Variants in UBR3 observed in about 807,000 individuals in gnomAD.
The protein encoded by UBR3 is E3 ubiquitin-protein ligase UBR3.
Under a neutral mutation model 243.2 loss-of-function variants are expected in UBR3, and 85 were observed. That is an observed-to-expected ratio of 0.35 (90% confidence interval 0.29 to 0.42). The LOEUF is 0.42. UBR3 is among the 10% of genes least tolerant of loss of function. The probability of loss-of-function intolerance (pLI) is 1.00; values close to 1 mark genes in which losing one functional copy is unlikely to be tolerated. For missense variants in UBR3, 1,686 were observed against 2,300.8 expected (o/e 0.73, Z 5.47); for synonymous variants, 748 against 799.8 (o/e 0.94, Z 1.09).
chr2:169,940,014 G>C (rs1464070375), intron 19 of UBR3, among the ~76,000 whole-genome samples: 1 of 151,586 alleles, frequency 6.6e-6, no homozygotes, highest in African/African-American at 2.4e-5. Flanking sequence ...ATTTTTAATT[G>C]ATATATCTTA....
In UBR3 at chr2:169,878,511, C is replaced by A. The variant is rs1179031874; in HGVS notation, c.989-14C>A. ...GCAACTATGAAGGACAACTATTTTTCTTCTCCTCCAAAGGTTTCATAGGCG... is the reference window on the plus strand; with the variant it reads ...GCAACTATGAAGGACAACTATTTTTATTCTCCTCCAAAGGTTTCATAGGCG... On this transcript the variant is annotated splice_polypyrimidine_tract_variant and intron_variant, in intron 4 of 38. Transcript: ENST00000272793. The A allele has an allele frequency of 1.3e-6, 2 of 1,548,906 alleles. No individual in the cohort carries two copies. The highest frequency in any genetic ancestry group is 1.7e-4 in the Middle Eastern group (1 of 5,984).
intron 26 of UBR3, among the ~76,000 whole-genome samples, chr2:170,000,825 A>G (rs6718846): frequency 0.98 from 149,224 of 152,190 alleles, 73,208 homozygotes; most frequent in East Asian, 1. Context: ...AGGGGTAAGC[A>G]AAGAAAAAAA....
rs1558998179 is a variant in UBR3, at chr2:169,835,997, CTCTCTCTCTCT to C, written c.545+7946_545+7956del. The stretch of plus-strand genomic sequence containing the variant: ...CCTGAAATTCCTGTGTGCACTGTCT[CTCTCTCTCTCT>C]CTCTCTCTCTCTCTCTCTCTCTCTC... On this transcript the variant is annotated intron_variant, in intron 1 of 38. Coordinates refer to ENST00000272793, the MANE Select transcript of UBR3 (RefSeq NM_172070.4). 7.0e-3 allele frequency among the ~76,000 whole-genome samples: 282 copies of C among 40,444 alleles called. 14 individuals are homozygous for C. Among genetic ancestry groups the C allele is most frequent in the East Asian group, 0.016 (27 of 1,674 alleles). The allele number at this position is 40,444 out of a possible 152,430, so 26.5% of individuals were successfully genotyped here.
intron 1 of UBR3, among the ~76,000 whole-genome samples, chr2:169,853,498 T>G (rs2082735037): frequency 6.6e-6 from 1 of 151,944 alleles, no homozygotes; most frequent in South Asian, 2.1e-4. Flanking sequence ...TTGCCCAGGC[T>G]AGAGTGCAGC....
chr2:169,952,298 A>C (rs150772577), intron 23 of UBR3, among the ~76,000 whole-genome samples: 4 of 152,304 alleles, frequency 2.6e-5, no homozygotes, highest in South Asian at 2.1e-4. Flanking sequence ...AGAAAGCAAG[A>C]AACTTATCAA....
chr2:170,038,994 C>G (rs894455681), intron 31 of UBR3, among the ~76,000 whole-genome samples: 4 of 151,862 alleles, frequency 2.6e-5, no homozygotes, highest in African/African-American at 9.7e-5. Context: ...ATAGAGAGTT[C>G]GAGAGAGTCA....
At chr2:169,836,564 T>C (rs1370737353) in intron 1 of UBR3, among the ~76,000 whole-genome samples, 5 of 151,428 alleles carry the variant, frequency 3.3e-5, no homozygotes, top group African/African-American at 1.2e-4. Context: ...GATGAGTTGA[T>C]AGGTGCAGCA....
At chr2:169,932,227 G>A (rs888144074) in intron 18 of UBR3, among the ~76,000 whole-genome samples, 2 of 151,832 alleles carry the variant, frequency 1.3e-5, no homozygotes, top group African/African-American at 2.4e-5. Context: ...ACAGGTGTGC[G>A]CCACCACGCC....
intron 11 of UBR3, among the ~76,000 whole-genome samples, chr2:169,923,490 G>A (rs2085784897): frequency 6.6e-6 from 1 of 151,898 alleles, no homozygotes. Context: ...AAAGTGCTTA[G>A]CATGGTGACT....
Position 169,827,824 on chromosome 2 carries a change from A to C in UBR3, c.317A>C (p.Glu106Ala). 1 of 1,500,640 alleles carries C rather than the reference A, an allele frequency of 6.7e-7. No homozygotes were observed. Among genetic ancestry groups the C allele is most frequent in the Non-Finnish European group, 8.9e-7 (1 of 1,129,120 alleles). 93.0% of individuals were successfully genotyped at this position (1,500,640 alleles called of 1,614,324 possible). A position where few individuals can be genotyped will look rare whatever the true frequency, so the allele number is the denominator to read the frequency against. ...CLLAGGGGYD[E>A]FCAAVRAYDP... ...CTGGCGGGCGGCGGCGGCTACGACG[A>C]GTTCTGCGCGGCGGTGCGGGCCTAC... The change falls in exon 1 of 39, where the codon GAG (glutamate) becomes GCG (alanine). Residue 106 changes from glutamate (E) to alanine (A), a missense_variant. Glu to Ala is a moderately radical substitution (Grantham distance 107). This residue lies in a region of UBR3 where 145 missense variants were observed against 243.8 expected (regional missense o/e 0.59). Coordinates refer to ENST00000272793, the MANE Select transcript of UBR3 (RefSeq NM_172070.4).
intron 25 of UBR3, among the ~76,000 whole-genome samples, chr2:169,993,134 T>G (rs1434692216): frequency 6.6e-6 from 1 of 152,198 alleles, no homozygotes; most frequent in Non-Finnish European, 1.5e-5. Flanking sequence ...CATCAAATAC[T>G]GTTTATATTC....
rs1295223790 is a variant in UBR3 at position 170,073,584 on chromosome 2, G to C, written c.5176G>C (p.Glu1726Gln). 6.2e-7 allele frequency: 1 copy of C among 1,612,848 alleles called. No homozygotes were observed. Among genetic ancestry groups the C allele is most frequent in the East Asian group, 2.2e-5 (1 of 44,802 alleles). ...GTGTTTTGAGATAAAATCATTTACT[G>C]AAAGACATGCAGAACAAGGAAAGGT... The part of the protein sequence containing the change: ...QWCFEIKSFT[E>Q]RHAEQGKALL... The change falls in exon 36 of 39, where the codon GAA becomes CAA. Residue 1726 changes from glutamate to glutamine, a missense_variant. Glu to Gln is a conservative substitution (Grantham distance 29, BLOSUM62 2). Transcript: ENST00000272793.
At chr2:169,895,599 A>G (rs190799584) in intron 7 of UBR3, among the ~76,000 whole-genome samples, 30 of 152,352 alleles carry the variant, frequency 2.0e-4, no homozygotes, top group Admixed American at 5.9e-4. Flanking sequence ...TATTTTGCAG[A>G]AATAAATATG....
chr2:169,999,890 G>A (rs1440317597), intron 26 of UBR3, among the ~76,000 whole-genome samples: 1 of 152,156 alleles, frequency 6.6e-6, no homozygotes, highest in African/African-American at 2.4e-5. Flanking sequence ...TTGGGAGGCC[G>A]AGACGGGTGG....
intron 5 of UBR3, among the ~76,000 whole-genome samples, chr2:169,881,878 G>GTATATGTGTACATGTATACATATAT (rs1559053468): frequency 1.5e-5 from 2 of 129,208 alleles, no homozygotes; most frequent in African/African-American, 5.7e-5. Context: ...TATACATATA[G>GTATATGTGTACATGTATACATATAT]GTATATGTGT....
chr2:169,876,570 T>TGTATTGTATTGTATTGTATTGTATTGTA (rs1553500937), intron 3 of UBR3, among the ~76,000 whole-genome samples: 13 of 151,510 alleles, frequency 8.6e-5, no homozygotes, highest in African/African-American at 3.2e-4. Context: ...TGTATTGTAT[T>TGTATTGTATTGTATTGTATTGTATTGTA]TTTTTGAGAC....
chr2:169,894,608 C>G (rs2084510909), intron 6 of UBR3, among the ~76,000 whole-genome samples: 1 of 151,540 alleles, frequency 6.6e-6, no homozygotes, highest in Non-Finnish European at 1.5e-5. Context: ...TGATGACATA[C>G]TGAGCTTGTT....
intron 5 of UBR3, among the ~76,000 whole-genome samples, chr2:169,884,477 A>C (rs1574120177): frequency 6.6e-6 from 1 of 152,210 alleles, no homozygotes; most frequent in East Asian, 1.9e-4. Flanking sequence ...TGTAAAGCAG[A>C]AGAAAATATA....
At chr2:169,870,877 C>T (rs889429117) in intron 1 of UBR3, among the ~76,000 whole-genome samples, 1 of 151,762 alleles carries the variant, frequency 6.6e-6, no homozygotes, top group East Asian at 1.9e-4. Context: ...TGGTCTTGAA[C>T]GCCTGACCTC....
Sources: gnomAD v4.1 joint callset for allele counts (sites outside exome capture counted in the v4.1 genomes callset) on GRCh38, gnomAD v4.1.1 for gene constraint, gnomAD v4.1.1 regional missense constraint, MANE v1.5 for transcripts, NCBI Gene and HGNC (gene_info 2026-07-23, HGNC 2026-07-21) for gene names.